VPS13B: variants seen among roughly 807,000 people sequenced by gnomAD.
VPS13B encodes intermembrane lipid transfer protein VPS13B.
In VPS13B, 285 loss-of-function variants were observed where a neutral mutation model predicts 426.4. The observed-to-expected ratio is 0.67, with a 90% CI of 0.61 to 0.74. VPS13B has a LOEUF of 0.74. VPS13B is among the 30% of genes least tolerant of loss of function. VPS13B has a pLI of 0.00. For synonymous variants in VPS13B, 1,676 were observed against 1,676.4 expected, an observed-to-expected ratio of 1.00 and a Z score of 0.01; for missense variants, 4,537 against 4,782.6, an observed-to-expected ratio of 0.95 and a Z score of 1.51.
intron 27 of VPS13B, among the ~76,000 whole-genome samples, chr8:99,506,218 T>C (rs1368185986): frequency 2.0e-5 from 3 of 152,188 alleles, no homozygotes; most frequent in African/African-American, 7.2e-5. Flanking sequence ...GACTCTCATC[T>C]CACAGATGAT....
At chr8:99,309,649 C>T (rs535527859) in intron 19 of VPS13B, among the ~76,000 whole-genome samples, 14 of 151,930 alleles carry the variant, frequency 9.2e-5, no homozygotes, top group Admixed American at 5.3e-4. Flanking sequence ...TGCCAAGGAC[C>T]GTCTTGGCAA....
chr8:99,062,151 A>G (rs1844223885), intron 3 of VPS13B, among the ~76,000 whole-genome samples: 1 of 152,210 alleles, frequency 6.6e-6, no homozygotes. Flanking sequence ...CAACTTCAGT[A>G]TCTTATTTAG....
At chr8:99,551,039 C>T (rs993427437) in intron 30 of VPS13B, among the ~76,000 whole-genome samples, 24 of 151,956 alleles carry the variant, frequency 1.6e-4, no homozygotes, top group Admixed American at 2.6e-4. Flanking sequence ...TGTAAATGTT[C>T]ACCTCATCAC....
chr8:99,510,233 G>A (rs570950281), intron 28 of VPS13B, among the ~76,000 whole-genome samples: 1 of 152,176 alleles, frequency 6.6e-6, no homozygotes, highest in South Asian at 2.1e-4. Flanking sequence ...TATCGATGAG[G>A]CTTCTTTTGT....
chr8:99,585,936 T>G (rs1216485581), intron 33 of VPS13B, among the ~76,000 whole-genome samples: 2 of 152,166 alleles, frequency 1.3e-5, no homozygotes, highest in Admixed American at 6.5e-5. Context: ...CTCTTAGAAC[T>G]GTCAGGTACT....
Position 99,818,836 on chromosome 8 carries a change from C to A in VPS13B, c.8569C>A (p.Pro2857Thr), listed in dbSNP as rs760427118. ...TATTCCAGGAAAAGGGCAGGAAAAA[C>A]CACTGCAAAACATAGAACCTGACCT... ...QIIPGKGQEK[P>T]LQNIEPDLVH... Residue 2857 changes from proline (P) to threonine (T), a missense_variant, in exon 47 of 62, where the codon CCA (proline) becomes ACA (threonine). Pro to Thr is a conservative substitution (Grantham distance 38, BLOSUM62 -1). Coordinates refer to ENST00000357162, the MANE Select transcript of VPS13B (RefSeq NM_152564.5). 2.5e-6 allele frequency: 4 copies of A among 1,613,792 alleles called. No homozygotes were observed. The highest frequency in any genetic ancestry group is 4.5e-5 in the East Asian group (2 of 44,866).
chr8:99,378,182 A>G (rs1300899748), intron 19 of VPS13B, among the ~76,000 whole-genome samples: 1 of 122,274 alleles, frequency 8.2e-6, no homozygotes, highest in African/African-American at 3.1e-5. Flanking sequence ...TTAATTATTA[A>G]TATTCCTTAC....
At position 99,064,203 on chromosome 8, in the gene VPS13B, C is replaced by G. The variant is rs765288873; in HGVS notation, c.291+25637C>G. Among the ~76,000 whole-genome samples, 16 of 152,108 alleles carry G rather than the reference C, an allele frequency of 1.1e-4. 1 individual carries two copies. Among genetic ancestry groups the G allele is most frequent in the Non-Finnish European group, 1.6e-4 (11 of 68,020 alleles). On this transcript the variant is annotated intron_variant, in intron 3 of 61. Transcript: ENST00000357162. ...AAAAACCAGAGTGCCTCTTCTCCCC[C>G]AAAGGATCGTAGCTCCTCGCCAGCA...
intron 39 of VPS13B, among the ~76,000 whole-genome samples, chr8:99,743,795 C>G (rs1809899513): frequency 6.6e-6 from 1 of 152,124 alleles, no homozygotes; most frequent in Non-Finnish European, 1.5e-5. Context: ...GAAACTCAAT[C>G]CCTTCCTTAC....
intron 29 of VPS13B, 58 bp downstream of exon 29, chr8:99,511,570 G>A: frequency 1.3e-6 from 2 of 1,535,688 alleles, no homozygotes; most frequent in Non-Finnish European, 1.8e-6. Context: ...AGAGACCTTA[G>A]TTTTCTGGGT....
At chr8:99,329,121 G>T (rs995861679) in intron 19 of VPS13B, among the ~76,000 whole-genome samples, 11 of 152,040 alleles carry the variant, frequency 7.2e-5, no homozygotes, top group Non-Finnish European at 1.0e-4. Flanking sequence ...ATTCCTTCCA[G>T]TTGGGCTCTT....
Position 99,115,876 on chromosome 8 carries a change from T to C in VPS13B, c.937+2T>C. The C allele has an allele frequency of 6.2e-7, 1 of 1,611,388 alleles. No individual in the cohort carries two copies. Among genetic ancestry groups the C allele is most frequent in the Non-Finnish European group, 8.5e-7 (1 of 1,179,186 alleles). On this transcript the variant is annotated splice_donor_variant, in intron 7 of 61. Transcript: ENST00000357162. LOFTEE classifies it high-confidence loss of function. The stretch of plus-strand genomic sequence containing the variant: ...AAGATATGCTAGGAAACATTACAGG[T>C]AATGTAAAACTTTATTAAACAAAAA...
intron 19 of VPS13B, among the ~76,000 whole-genome samples, chr8:99,379,362 G>T (rs184378647): frequency 9.9e-5 from 15 of 151,872 alleles, no homozygotes; most frequent in African/African-American, 3.1e-4. Context: ...GCGGATGGGC[G>T]GGGGGGCAAC....
chr8:99,155,717 T>C (rs1334827788), intron 14 of VPS13B, among the ~76,000 whole-genome samples: 1 of 152,214 alleles, frequency 6.6e-6, no homozygotes, highest in East Asian at 1.9e-4. Flanking sequence ...AATTATTATG[T>C]AGCATTTACC....
chr8:99,527,248 G>A (rs949588868), intron 30 of VPS13B, among the ~76,000 whole-genome samples: 5 of 151,798 alleles, frequency 3.3e-5, no homozygotes, highest in Non-Finnish European at 7.4e-5. Context: ...CTGAGAAAAT[G>A]TAAAATAATA....
chr8:99,346,184 C>T (rs1811528901), intron 19 of VPS13B: 1 of 152,202 alleles, frequency 6.6e-6, no homozygotes, highest in Admixed American at 6.5e-5. Flanking sequence ...CTTGATGATA[C>T]ATTTGAGGGG....
At chr8:99,866,149 C>G (rs1241183255) in intron 58 of VPS13B, among the ~76,000 whole-genome samples, 1 of 152,250 alleles carries the variant, frequency 6.6e-6, no homozygotes, top group Non-Finnish European at 1.5e-5. Flanking sequence ...GGCCAGCAGA[C>G]AAGTCTTGGG....
intron 19 of VPS13B, among the ~76,000 whole-genome samples, chr8:99,292,554 C>A (rs1819790757): frequency 1.3e-5 from 2 of 152,078 alleles, no homozygotes; most frequent in Non-Finnish European, 2.9e-5. Flanking sequence ...AAGTAAGCCT[C>A]TGCAGTTTGT....
chr8:99,044,084 C>CTTTTTTTTTTTTT (rs5893476), intron 3 of VPS13B, among the ~76,000 whole-genome samples: 2 of 98,932 alleles, frequency 2.0e-5, no homozygotes, highest in Non-Finnish European at 3.7e-5. Flanking sequence ...TTCTTTCTTT[C>CTTTTTTTTTTTTT]TTTTTTTTTT....
Sources: gnomAD v4.1 joint callset for allele counts (sites outside exome capture counted in the v4.1 genomes callset) on GRCh38, gnomAD v4.1.1 for gene constraint, MANE v1.5 for transcripts, NCBI Gene and HGNC (gene_info 2026-07-23, HGNC 2026-07-21) for gene names.